Variants in MYPN observed in about 807,000 individuals in gnomAD.
The protein encoded by MYPN is sarcomeric protein myopalladin, 145 kDa (MYOP).
A neutral mutation model predicts 129.4 loss-of-function variants in MYPN; 63 were observed. The ratio of observed to expected loss-of-function variants is 0.49; its 90% CI spans 0.40 to 0.60. The LOEUF is 0.60. MYPN is among the 20% of genes least tolerant of loss of function. MYPN has a pLI of 0.00. For missense variants in MYPN, 1,596 were observed against 1,635.4 expected, an observed-to-expected ratio of 0.98 and a Z score of 0.42; for synonymous variants, 629 against 600.9, an observed-to-expected ratio of 1.05 and a Z score of -0.68.
chr10:68,210,145 G>A, intron 19 of MYPN, 141 bp from the exon 20 acceptor site: 3 of 870,620 alleles, frequency 3.4e-6, no homozygotes, highest in Non-Finnish European at 5.3e-6. Context: ...CTACAAACGA[G>A]GCAATTCAGA....
intron 17 of MYPN, among the ~76,000 whole-genome samples, chr10:68,201,495 A>C (rs1415541188): frequency 6.6e-6 from 1 of 152,220 alleles, no homozygotes; most frequent in African/African-American, 2.4e-5. Context: ...CACCAGGCAC[A>C]GTGGCTTATG....
intron 1 of MYPN, among the ~76,000 whole-genome samples, chr10:68,092,762 GTATAT>G (rs1295717978): frequency 6.6e-6 from 1 of 152,070 alleles, no homozygotes; most frequent in East Asian, 1.9e-4. Context: ...TCAATCCTTT[GTATAT>G]TATTTCATTC....
intron 6 of MYPN, among the ~76,000 whole-genome samples, chr10:68,156,273 T>C (rs1012660458): frequency 6.6e-6 from 1 of 152,156 alleles, no homozygotes; most frequent in Non-Finnish European, 1.5e-5. Flanking sequence ...CTAAGTGCCA[T>C]TAAAGTTTTC....
intron 12 of MYPN, among the ~76,000 whole-genome samples, chr10:68,182,988 CA>C (rs2043362911): frequency 6.6e-6 from 1 of 152,060 alleles, no homozygotes; most frequent in Admixed American, 6.6e-5. Flanking sequence ...TAAATCAATT[CA>C]AACATTTAAA....
chr10:68,173,574 TTTTA>T (rs10688159), intron 10 of MYPN, among the ~76,000 whole-genome samples: 12,067 of 140,688 alleles, frequency 0.086, 814 homozygotes, highest in African/African-American at 0.19. Context: ...CATCAAGTTA[TTTTA>T]TTTATTTATT....
intron 6 of MYPN, among the ~76,000 whole-genome samples, chr10:68,156,074 T>C (rs1268502741): frequency 6.6e-6 from 1 of 152,228 alleles, no homozygotes; most frequent in Non-Finnish European, 1.5e-5. Flanking sequence ...AACTGGCTCA[T>C]ATATCTGAGC....
At chr10:68,136,227 A>G in intron 2 of MYPN, 1 of 986,318 alleles carries the variant, frequency 1.0e-6, no homozygotes, top group African/African-American at 1.7e-5. Context: ...AGCTAGCCAA[A>G]TGAGCAGATC....
At chr10:68,133,522 T>G (rs2042441885) in intron 2 of MYPN, among the ~76,000 whole-genome samples, 1 of 152,004 alleles carries the variant, frequency 6.6e-6, no homozygotes, top group African/African-American at 2.4e-5. Context: ...CTTCATTGGT[T>G]TCATGGTAAA....
At chr10:68,156,550 G>A (rs1215446944) in intron 6 of MYPN, among the ~76,000 whole-genome samples, 3 of 152,172 alleles carry the variant, frequency 2.0e-5, no homozygotes, top group Admixed American at 1.3e-4. Flanking sequence ...TAAAACACTA[G>A]CATTGAACTA....
intron 1 of MYPN, among the ~76,000 whole-genome samples, chr10:68,090,895 C>G (rs2041927687): frequency 6.6e-6 from 1 of 152,086 alleles, no homozygotes; most frequent in Non-Finnish European, 1.5e-5. Context: ...GTCTGGTGTT[C>G]AGCTTTTCAA....
At chr10:68,104,559 T>C (rs1386754654), upstream of MYPN, among the ~76,000 whole-genome samples, 2 of 152,244 alleles carry the variant, frequency 1.3e-5, no homozygotes, top group Non-Finnish European at 2.9e-5. Context: ...CAATAATGCC[T>C]AACTCCAGTC....
At chr10:68,209,452 G>T (rs868151355) in intron 19 of MYPN, among the ~76,000 whole-genome samples, 3 of 152,132 alleles carry the variant, frequency 2.0e-5, no homozygotes, top group Non-Finnish European at 4.4e-5. Context: ...ACTGATTAGG[G>T]TGATTAGGGT....
chr10:68,105,114 T>C (rs2042002328), upstream of MYPN, among the ~76,000 whole-genome samples: 2 of 152,134 alleles, frequency 1.3e-5, no homozygotes, highest in South Asian at 4.1e-4. Flanking sequence ...TTACCTTGAA[T>C]TTTTCACAAA....
At position 68,121,697 on chromosome 10, in the gene MYPN, C is replaced by G. The variant is rs376945733; in HGVS notation, c.259C>G (p.Pro87Ala). 40 of 1,614,178 alleles carry G rather than the reference C, an allele frequency of 2.5e-5. No homozygotes were observed. The African/African-American group carries it at 3.9e-4, about 16-fold the overall frequency. The change falls in exon 2 of 20, where the codon CCT becomes GCT. Residue 87 changes from proline to alanine, a missense_variant. Physicochemically the swap from Pro to Ala is conservative, Grantham distance 27. Transcript: ENST00000358913. ...NLARLAINYD[P>A]LEKADETQAR... ...GGCAAGACTGGCCATCAATTACGACCCTTTGGAGAAGGCAGATGAAACTCA... is the reference window on the plus strand; with the variant it reads ...GGCAAGACTGGCCATCAATTACGACGCTTTGGAGAAGGCAGATGAAACTCA...
At chr10:68,120,061 T>C (rs1399764471) in intron 1 of MYPN, among the ~76,000 whole-genome samples, 3 of 152,336 alleles carry the variant, frequency 2.0e-5, no homozygotes, top group East Asian at 3.9e-4. Context: ...TACTTTTTTC[T>C]CCACTTTCCC....
intron 12 of MYPN, among the ~76,000 whole-genome samples, chr10:68,188,053 A>AGG (rs78400251): frequency 6.6e-6 from 1 of 151,988 alleles, no homozygotes; most frequent in Non-Finnish European, 1.5e-5. Flanking sequence ...TTTTGTTGTG[A>AGG]GGGGGGCAGA....
At chr10:68,191,321 G>A (rs779034467) in intron 13 of MYPN, among the ~76,000 whole-genome samples, 5 of 151,558 alleles carry the variant, frequency 3.3e-5, no homozygotes, top group Admixed American at 6.6e-5. Flanking sequence ...GGGTTCAAGC[G>A]ATTCTCCTGC....
At chr10:68,099,365 G>A (rs1589511752) in intron 1 of MYPN, among the ~76,000 whole-genome samples, 1 of 152,102 alleles carries the variant, frequency 6.6e-6, no homozygotes, top group Admixed American at 6.5e-5. Context: ...TGTTGTTGTT[G>A]TTTTTATTGG....
chr10:68,159,576 G>A (rs982499143), intron 7 of MYPN, among the ~76,000 whole-genome samples: 1 of 151,600 alleles, frequency 6.6e-6, no homozygotes, highest in East Asian at 1.9e-4. Flanking sequence ...TTTTCTTATC[G>A]CACAATGCTT....
Sources: gnomAD v4.1 joint callset for allele counts (sites outside exome capture counted in the v4.1 genomes callset) on GRCh38, gnomAD v4.1.1 for gene constraint, MANE v1.5 for transcripts, NCBI Gene and HGNC (gene_info 2026-07-23, HGNC 2026-07-21) for gene names.